The following MGAT4B variants were observed in gnomAD, a reference collection of about 807,000 sequenced individuals.
MGAT4B encodes alpha-1,3-mannosyl-glycoprotein 4-beta-N-acetylglucosaminyltransferase B.
A neutral mutation model predicts 73.9 loss-of-function variants in MGAT4B; 38 were observed. The ratio of observed to expected loss-of-function variants is 0.51; its 90% CI spans 0.40 to 0.67. The LOEUF (loss-of-function observed/expected upper bound fraction) is 0.67. Among genes scored for constraint, MGAT4B ranks in the 30% least tolerant of loss-of-function variants. MGAT4B has a pLI of 0.00. For missense variants in MGAT4B, 686 were observed against 735.2 expected, an observed-to-expected ratio of 0.93 and a Z score of 0.77; for synonymous variants, 373 against 313.5, an observed-to-expected ratio of 1.19 and a Z score of -2.01.
At chr5:179,798,726 C>A in intron 11 of MGAT4B, 135 bp from the exon 12 acceptor site, 1 of 1,148,846 alleles carries the variant, frequency 8.7e-7, no homozygotes, top group Non-Finnish European at 1.3e-6. Context: ...GAGACCAGGG[C>A]CTTCCTCTGG....
At chr5:179,805,760 G>A (rs138548678) in intron 1 of MGAT4B, among the ~76,000 whole-genome samples, 17 of 152,256 alleles carry the variant, frequency 1.1e-4, no homozygotes, top group Non-Finnish European at 2.1e-4. Flanking sequence ...CTCCAGGCCG[G>A]GGGAAGAGCG....
At chr5:179,804,353 A>G (rs113134940) in intron 1 of MGAT4B, among the ~76,000 whole-genome samples, 2,790 of 152,280 alleles carry the variant, frequency 0.018, 78 homozygotes, top group African/African-American at 0.064. Flanking sequence ...AAGGGTGTCC[A>G]TCATTGCTGA....
rs750038630 is a variant in MGAT4B, at chr5:179,801,337, G to A, written c.555C>T (p.Ala185=). ...CCCCGCGTCCCGGCTCACTCGCCTC[G>A]GCGATCAGCACCACGATGACCGAGT... The part of the protein sequence containing the change: ...KEDSVIVVLI[A]ETDSQYTSAV... The change falls in exon 4 of 15, where the codon GCC becomes GCT. Residue 185 remains alanine (A), a synonymous_variant. Coordinates refer to ENST00000292591, the MANE Select transcript of MGAT4B (RefSeq NM_014275.5). This position sits in a 1 kb window ranked among gnomAD's most constrained non-coding sequence, Gnocchi z 4.8. 106 of 1,608,368 alleles carry A rather than the reference G, an allele frequency of 6.6e-5. No individual in the cohort carries two copies. The highest frequency in any genetic ancestry group is 3.3e-4 in the South Asian group (30 of 90,874).
In MGAT4B at chr5:179,800,487, ACT is replaced by A. The variant is rs1271138835; in HGVS notation, c.714_715del (p.Arg238SerfsTer31). The stretch of plus-strand genomic sequence containing the variant: ...GGTATGGGGGAGTAACTAGTACCTG[ACT>A]CTCTCCTTGGGGTCCCCAAAGGACT... On this transcript the variant is annotated frameshift_variant, in exon 6 of 15. Transcript: ENST00000292591. LOFTEE classifies it high-confidence loss of function. 1 of 1,596,140 alleles carries A rather than the reference ACT, an allele frequency of 6.3e-7. No individual in the cohort carries two copies. The highest frequency in any genetic ancestry group is 1.4e-5 in the African/African-American group (1 of 73,702).
intron 1 of MGAT4B, chr5:179,803,183 G>A (rs1024487148): frequency 1.0e-6 from 1 of 985,358 alleles, no homozygotes; most frequent in Middle Eastern, 5.2e-4. Flanking sequence ...CAGGGAGCCA[G>A]GTAGATCTTC....
chr5:179,803,579 G>GCCCACC, intron 1 of MGAT4B: 1 of 152,154 alleles, frequency 6.6e-6, no homozygotes, highest in East Asian at 1.9e-4. Context: ...TACAGCCACT[G>GCCCACC]CCCACCCCCA....
rs1377665680 is a variant in MGAT4B at position 179,800,831 on chromosome 5, GAGGC to G, written c.605+72_605+75del. The G allele has an allele frequency of 9.4e-6, 14 of 1,496,742 alleles. No individual in the cohort carries two copies. The African/African-American group carries it at 1.7e-4, about 18-fold the overall frequency. 92.7% of individuals were successfully genotyped at this position (1,496,742 alleles called of 1,614,324 possible). A position where few individuals can be genotyped will look rare whatever the true frequency, so the allele number is the denominator to read the frequency against. On this transcript the variant is annotated intron_variant, in intron 5 of 14. Coordinates refer to ENST00000292591, the MANE Select transcript of MGAT4B (RefSeq NM_014275.5). Reference sequence around the variant, plus strand: ...GATAGGAAAGGCACTATCTCATGGGGAGGCAGGAACCTGCCAGCACAACACCCCG... The same window carrying G: ...GATAGGAAAGGCACTATCTCATGGGGAGGAACCTGCCAGCACAACACCCCG...
chr5:179,802,013 C>T (rs1756967678), intron 1 of MGAT4B, 44 bp from the exon 2 acceptor site: 1 of 1,613,288 alleles, frequency 6.2e-7, no homozygotes, highest in Non-Finnish European at 8.5e-7. Flanking sequence ...GGTCTAGAGC[C>T]ACCCTACGGG....
At position 179,798,553 on chromosome 5, in the gene MGAT4B, T is replaced by G; in HGVS notation, c.1382A>C (p.Asp461Ala). ...FRSGNIEHPEDKLFNTSVEVL... is the reference protein window; with the variant it reads ...FRSGNIEHPEAKLFNTSVEVL... ...CTCCACAGACGTGTTGAAGAGCTTG[T>G]CCTCCGGGTGCTCGATGTTCCCACT... Residue 461 changes from aspartate to alanine, a missense_variant, in exon 12 of 15, where the codon GAC becomes GCC. Coordinates refer to ENST00000292591, the MANE Select transcript of MGAT4B (RefSeq NM_014275.5). 1 of 1,613,512 alleles carries G rather than the reference T, an allele frequency of 6.2e-7. No individual in the cohort carries two copies. The highest frequency in any genetic ancestry group is 8.5e-7 in the Non-Finnish European group (1 of 1,180,010).
Position 179,800,327 on chromosome 5 carries a change from C to T in MGAT4B, c.720-68G>A, listed in dbSNP as rs530216398. 1.0e-3 allele frequency: 1,645 copies of T among 1,575,506 alleles called. 28 individuals are homozygous for T. The South Asian group carries it at 0.017, about 16-fold the overall frequency. ...CTCCATTGTGGCTCCGCAGAGAAGC[C>T]GCTGGGTGGGCAGCTTCTGTCCCCC... On this transcript the variant is annotated intron_variant, in intron 6 of 14. Transcript: ENST00000292591.
chr5:179,802,879 A>C, intron 1 of MGAT4B: 1 of 985,342 alleles, frequency 1.0e-6, no homozygotes, highest in Non-Finnish European at 1.2e-6. Context: ...CTGAAAACCT[A>C]TGTGGCCTAC....
At chr5:179,799,867 C>T (rs1397355854) in intron 8 of MGAT4B, 87 bp downstream of exon 8, 1 of 1,392,732 alleles carries the variant, frequency 7.2e-7, no homozygotes, top group Non-Finnish European at 1.0e-6. Flanking sequence ...TGGGCAAAGG[C>T]TCACAGTGGA....
chr5:179,798,735 G>T, intron 11 of MGAT4B, 144 bp from the exon 12 acceptor site: 1 of 1,110,720 alleles, frequency 9.0e-7, no homozygotes, highest in Non-Finnish European at 1.3e-6. Flanking sequence ...GCCTTCCTCT[G>T]GGAGGATGGT....
In MGAT4B at chr5:179,798,537, C is replaced by T. The variant is rs908719160; in HGVS notation, c.1398G>A (p.Thr466=). ...CGTCGAAGGGCAGCACCTCCACAGA[C>T]GTGTTGAAGAGCTTGTCCTCCGGGT... ...IEHPEDKLFN[T]SVEVLPFDNP... is the part of the protein sequence containing the mutation. Residue 466 remains threonine (T), a synonymous_variant, in exon 12 of 15, where the codon ACG becomes ACA. Coordinates refer to ENST00000292591, the MANE Select transcript of MGAT4B (RefSeq NM_014275.5). 10 of 1,613,576 alleles carry T rather than the reference C, an allele frequency of 6.2e-6. No homozygotes were observed. Among genetic ancestry groups the T allele is most frequent in the East Asian group, 2.2e-5 (1 of 44,884 alleles).
In MGAT4B at chr5:179,797,863, C is replaced by CG. The variant is rs1298916113; in HGVS notation, c.*181dup. On this transcript the variant is annotated 3_prime_UTR_variant, in exon 15 of 15. Transcript: ENST00000292591. ...CCTGCCTCCTCCGCGGCCCGGCGGG[C>CG]GGGGGCAGCACCAGCTCCTAGGGCC... 2.4e-6 allele frequency: 2 copies of CG among 817,586 alleles called. No homozygotes were observed. Among genetic ancestry groups the CG allele is most frequent in the Non-Finnish European group, 3.7e-6 (2 of 541,942 alleles). The allele number at this position is 817,586 out of a possible 1,614,324, so 50.6% of individuals were successfully genotyped here.
At position 179,802,925 on chromosome 5, in the gene MGAT4B, G is replaced by A. The variant is rs1020341571; in HGVS notation, c.98-956C>T. The A allele has an allele frequency of 4.1e-6, 4 of 985,208 alleles. No homozygotes were observed. The Admixed American group carries it at 2.5e-4, about 61-fold the overall frequency. The allele number at this position is 985,208 out of a possible 1,614,324, so 61.0% of individuals were successfully genotyped here. ...GTTTCCAAGTCTCCAAGTTTAAGAA[G>A]CCTGACCGAACTCCCTCTACACTCA... On this transcript the variant is annotated intron_variant, in intron 1 of 14. Coordinates refer to ENST00000292591, the MANE Select transcript of MGAT4B (RefSeq NM_014275.5).
Position 179,797,758 on chromosome 5 carries a change from G to A in MGAT4B, c.*287C>T, listed in dbSNP as rs1756708162. The A allele has an allele frequency of 2.5e-6, 1 of 404,522 alleles. No homozygotes were observed. The highest frequency in any genetic ancestry group is 4.4e-5 in the South Asian group (1 of 22,746). The allele number at this position is 404,522 out of a possible 1,614,324, so 25.1% of individuals were successfully genotyped here. A position where few individuals can be genotyped will look rare whatever the true frequency, so the allele number is the denominator to read the frequency against. ...CGCGCCAGAGACGGCGGGCGCCCAA[G>A]TAAAAGCTCTTCTAAAACGGCCTGA... On this transcript the variant is annotated 3_prime_UTR_variant, in exon 15 of 15. Transcript: ENST00000292591.
Position 179,800,265 on chromosome 5 carries a change from G to A in MGAT4B, c.720-6C>T, listed in dbSNP as rs746499186. 1.2e-5 allele frequency: 20 copies of A among 1,613,036 alleles called. No individual in the cohort carries two copies. The South Asian group carries it at 1.8e-4, about 14-fold the overall frequency. On this transcript the variant is annotated splice_region_variant and splice_polypyrimidine_tract_variant and intron_variant, in intron 6 of 14. Transcript: ENST00000292591. Reference sequence around the variant, plus strand: ...GGTTCTGTTTGGTCCTCCACCTGTGGGCCGGGGCGGGGCCTCAGAAGTTCA... The same window carrying A: ...GGTTCTGTTTGGTCCTCCACCTGTGAGCCGGGGCGGGGCCTCAGAAGTTCA...
In MGAT4B at chr5:179,801,727, C is replaced by T. The variant is rs1439616370; in HGVS notation, c.284-33G>A. The T allele has an allele frequency of 3.1e-6, 5 of 1,595,914 alleles. No homozygotes were observed. Among genetic ancestry groups the T allele is most frequent in the Admixed American group, 1.7e-5 (1 of 57,872 alleles). On this transcript the variant is annotated intron_variant, in intron 2 of 14. Coordinates refer to ENST00000292591, the MANE Select transcript of MGAT4B (RefSeq NM_014275.5). The surrounding 1 kb of genome is among the most constrained non-coding windows in gnomAD (Gnocchi z 4.8). ...GGTCGGGAAGGATCGGGACTGAGAC[C>T]AGGGAACCTACAACCAGCCCGCCCC...
Sources: allele counts gnomAD v4.1 joint callset (sites outside exome capture counted in the v4.1 genomes callset), GRCh38; gene constraint gnomAD v4.1.1; non-coding constraint Gnocchi (gnomAD v3.1); transcripts MANE v1.5; gene names NCBI Gene and HGNC (gene_info 2026-07-23, HGNC 2026-07-21).